UBE2L6: variants seen among roughly 807,000 people sequenced by gnomAD.
UBE2L6 encodes ubiquitin conjugating enzyme E2 L6, also known as ubiquitin/ISG15-conjugating enzyme E2 L6.
In UBE2L6, 11 loss-of-function variants were observed where a neutral mutation model predicts 13.6. The ratio of observed to expected loss-of-function variants is 0.81; its 90% CI spans 0.51 to 1.34. UBE2L6 has a LOEUF of 1.34. UBE2L6 is among the 40% of genes most tolerant of loss of function. The pLI, the probability that UBE2L6 is intolerant of heterozygous loss-of-function variation, is 0.00. For synonymous variants in UBE2L6, 74 were observed against 83.2 expected (o/e 0.89, Z 0.60); for missense variants, 197 against 199.5 (o/e 0.99, Z 0.07).
Position 57,566,947 on chromosome 11 carries a change from G to GCCCCCCCCCC in UBE2L6, c.27+628_27+637dup. The GCCCCCCCCCC allele has an allele frequency of 3.0e-5, 3 of 101,674 alleles. 1 individual carries two copies. The highest frequency in any genetic ancestry group is 1.5e-4 in the South Asian group (2 of 13,136). The allele number at this position is 101,674 out of a possible 1,614,324, so 6.3% of individuals were successfully genotyped here. A position where few individuals can be genotyped will look rare whatever the true frequency, so the allele number is the denominator to read the frequency against. The stretch of plus-strand genomic sequence containing the variant: ...GCCGGATTTGTGTTCATCTCTGCCC[G>GCCCCCCCCCC]CCCCCCCCCCCCTCCTAGAACAGGG... On this transcript the variant is annotated intron_variant, in intron 1 of 3. Coordinates refer to ENST00000287156, the MANE Select transcript of UBE2L6 (RefSeq NM_004223.5).
intron 1 of UBE2L6, among the ~76,000 whole-genome samples, chr11:57,563,018 A>T (rs1945058916): frequency 6.6e-6 from 1 of 152,250 alleles, no homozygotes; most frequent in South Asian, 2.1e-4. Context: ...CACAGGGCCA[A>T]TTCCAGAGAA....
intron 1 of UBE2L6, among the ~76,000 whole-genome samples, chr11:57,566,223 G>A (rs1425173143): frequency 6.6e-6 from 1 of 152,196 alleles, no homozygotes; most frequent in East Asian, 1.9e-4. Flanking sequence ...AGTTCTGCCA[G>A]AACTTTCCCA....
At chr11:57,560,216 G>T in intron 2 of UBE2L6, 121 bp downstream of exon 2, 1 of 768,502 alleles carries the variant, frequency 1.3e-6, no homozygotes, top group Non-Finnish European at 2.3e-6. Context: ...CTCCAGCAAT[G>T]ATAACCTCCA....
At chr11:57,567,332 T>C (rs567784529) in intron 1 of UBE2L6, 4 of 593,066 alleles carry the variant, frequency 6.7e-6, no homozygotes, top group African/African-American at 5.6e-5. Flanking sequence ...AAACCAGTTT[T>C]GGGGGAGCCG....
At position 57,552,494 on chromosome 11, in the gene UBE2L6, T is replaced by C. The variant is rs151180286; in HGVS notation, c.326A>G (p.Asn109Ser). ...TKTCQVLEAL[N>S]VLVNRPNIRE... ...GATATTCGGTCTATTCACCAGCACA[T>C]TGAGGGCCTCCAGGACTGGGGAGAG... The change falls in exon 4 of 4, where the codon AAT becomes AGT. Residue 109 changes from asparagine (N) to serine (S), a missense_variant. Physicochemically the swap from Asn to Ser is conservative, Grantham distance 46. Coordinates refer to ENST00000287156, the MANE Select transcript of UBE2L6 (RefSeq NM_004223.5). 4.9e-4 allele frequency: 787 copies of C among 1,614,082 alleles called. No homozygotes were observed. Among genetic ancestry groups the C allele is most frequent in the Admixed American group, 1.0e-3 (60 of 59,998 alleles).
At chr11:57,553,554 C>T (rs978500375) in intron 3 of UBE2L6, among the ~76,000 whole-genome samples, 20 of 152,070 alleles carry the variant, frequency 1.3e-4, no homozygotes, top group African/African-American at 2.7e-4. Flanking sequence ...TCTGGCCAGG[C>T]GCAGTGACTC....
intron 1 of UBE2L6, among the ~76,000 whole-genome samples, chr11:57,562,674 G>C (rs1401821415): frequency 6.6e-6 from 1 of 152,194 alleles, no homozygotes. Context: ...GGAAGAAAAT[G>C]AGAGTCTCTA....
At chr11:57,560,094 C>T (rs2649650) in intron 2 of UBE2L6, among the ~76,000 whole-genome samples, 123,309 of 152,086 alleles carry the variant, frequency 0.81, 50,312 homozygotes, top group African/African-American at 0.88. Flanking sequence ...TGGTGGCTAC[C>T]GGTTTAAGGA....
intron 1 of UBE2L6, chr11:57,567,004 A>G (rs910257455): frequency 2.3e-6 from 1 of 429,524 alleles, no homozygotes; most frequent in African/African-American, 2.4e-5. Context: ...CACTTGTAGA[A>G]CTCACGAACG....
At chr11:57,553,608 C>T (rs1565158258) in intron 3 of UBE2L6, among the ~76,000 whole-genome samples, 1 of 152,042 alleles carries the variant, frequency 6.6e-6, no homozygotes, top group Non-Finnish European at 1.5e-5. Flanking sequence ...GCAGGCGGAT[C>T]GCCTGAGGTC....
chr11:57,554,364 A>G (rs929035905), intron 3 of UBE2L6, 73 bp downstream of exon 3: 10 of 1,532,364 alleles, frequency 6.5e-6, no homozygotes, highest in Non-Finnish European at 8.8e-6. Context: ...CAAGCTCAGA[A>G]TAAGCTGTGA....
chr11:57,554,683 C>A, intron 2 of UBE2L6, 60 bp from the exon 3 acceptor site: 2 of 1,594,754 alleles, frequency 1.3e-6, no homozygotes, highest in Non-Finnish European at 1.7e-6. Context: ...CTGCCCCAAT[C>A]CGAGGGTCCT....
chr11:57,566,970 G>C (rs542352887), intron 1 of UBE2L6: 1 of 358,732 alleles, frequency 2.8e-6, no homozygotes, highest in African/African-American at 3.1e-5. Context: ...TCCTAGAACA[G>C]GGCCAGCACA....
chr11:57,565,584 C>T (rs1183522195), intron 1 of UBE2L6, among the ~76,000 whole-genome samples: 2 of 151,736 alleles, frequency 1.3e-5, no homozygotes, highest in East Asian at 1.9e-4. Flanking sequence ...AGGCTGGTCT[C>T]GAACTCCTAG....
Position 57,552,463 on chromosome 11 carries a change from C to G in UBE2L6, c.357G>C (p.Glu119Asp). The change falls in exon 4 of 4, where the codon GAG (glutamate) becomes GAC (aspartate). Residue 119 changes from glutamate (E) to aspartate (D), a missense_variant. By Grantham distance (45) the Glu-to-Asp change is conservative. Coordinates refer to ENST00000287156, the MANE Select transcript of UBE2L6 (RefSeq NM_004223.5). Reference sequence around the variant, plus strand: ...GGTCAGCGAGGTCCATCCGCAGGGGCTCCCTGATATTCGGTCTATTCACCA... The same window carrying G: ...GGTCAGCGAGGTCCATCCGCAGGGGGTCCCTGATATTCGGTCTATTCACCA... ...NVLVNRPNIREPLRMDLADLL... is the reference protein window; with the variant it reads ...NVLVNRPNIRDPLRMDLADLL... The G allele has an allele frequency of 6.2e-7, 1 of 1,614,208 alleles. No homozygotes were observed. The highest frequency in any genetic ancestry group is 8.5e-7 in the Non-Finnish European group (1 of 1,180,038).
intron 2 of UBE2L6, among the ~76,000 whole-genome samples, chr11:57,559,584 T>G (rs1321791370): frequency 6.6e-6 from 1 of 151,978 alleles, no homozygotes; most frequent in Non-Finnish European, 1.5e-5. Flanking sequence ...CACTCCAGCC[T>G]GGGTGACACA....
At chr11:57,558,982 T>A (rs1281448866) in intron 2 of UBE2L6, among the ~76,000 whole-genome samples, 1 of 152,206 alleles carries the variant, frequency 6.6e-6, no homozygotes, top group African/African-American at 2.4e-5. Context: ...ACCACCTTGG[T>A]CTTGCCAACT....
At chr11:57,566,868 C>T in intron 1 of UBE2L6, 1 of 396,622 alleles carries the variant, frequency 2.5e-6, no homozygotes, top group Non-Finnish European at 5.1e-6. Flanking sequence ...CCCTCCCCAT[C>T]CTTCCAGATC....
chr11:57,556,172 C>T (rs1366757566), intron 2 of UBE2L6, among the ~76,000 whole-genome samples: 1 of 152,144 alleles, frequency 6.6e-6, no homozygotes. Context: ...TGTGATTCAA[C>T]TCTGACACTC....
Sources: allele counts gnomAD v4.1 joint callset (sites outside exome capture counted in the v4.1 genomes callset), GRCh38; gene constraint gnomAD v4.1.1; transcripts MANE v1.5; gene names NCBI Gene and HGNC (gene_info 2026-07-23, HGNC 2026-07-21).